Variants in DYM observed in about 807,000 individuals in gnomAD.
DYM encodes dymeclin.
Under a neutral mutation model 93.1 loss-of-function variants are expected in DYM, and 78 were observed. That is an observed-to-expected ratio of 0.84 (90% CI 0.70 to 1.01). The LOEUF is 1.01. Among genes scored for constraint, DYM ranks in the 50% least tolerant of loss-of-function variants. The pLI, the probability that DYM is intolerant of heterozygous loss-of-function variation, is 0.00. For missense variants in DYM, 789 were observed against 845.0 expected (o/e 0.93, Z 0.82); for synonymous variants, 321 against 319.7 (o/e 1.00, Z -0.04).
intron 5 of DYM, among the ~76,000 whole-genome samples, chr18:49,374,847 T>C (rs771822572): frequency 9.2e-5 from 14 of 151,798 alleles, no homozygotes; most frequent in Non-Finnish European, 1.3e-4. Context: ...TAATCCCAGA[T>C]ACTTGGGAGG....
rs183125452 is a variant in DYM at position 49,171,350 on chromosome 18, T to G, written c.1626-7563A>C. On this transcript the variant is annotated intron_variant, in intron 14 of 17. Transcript: ENST00000675505. The stretch of plus-strand genomic sequence containing the variant: ...CAATCCTCACAACTCTCAGCCAACT[T>G]CTCTCTCCATGCCTCAGTCCTTCCT... Among the ~76,000 whole-genome samples, 18 of 152,092 alleles carry G rather than the reference T, an allele frequency of 1.2e-4. 1 individual carries two copies. The East Asian group carries it at 3.5e-3, about 29-fold the overall frequency.
intron 2 of DYM, among the ~76,000 whole-genome samples, chr18:49,428,895 AT>A (rs944404427): frequency 6.6e-6 from 1 of 152,160 alleles, no homozygotes; most frequent in Non-Finnish European, 1.5e-5. Flanking sequence ...AAAGTGTATT[AT>A]TTTTCTATTG....
At chr18:49,166,953 G>A (rs1600281847) in intron 14 of DYM, among the ~76,000 whole-genome samples, 1 of 151,480 alleles carries the variant, frequency 6.6e-6, no homozygotes, top group South Asian at 2.1e-4. Flanking sequence ...GGTGCTTCCT[G>A]AGTTTAGCAA....
intron 17 of DYM, among the ~76,000 whole-genome samples, chr18:49,064,902 C>T (rs1351219598): frequency 6.6e-6 from 1 of 150,630 alleles, no homozygotes; most frequent in Non-Finnish European, 1.5e-5. Context: ...TTTATAGTCA[C>T]TTCATGACTA....
chr18:49,359,058 C>G (rs1018179353), intron 6 of DYM, among the ~76,000 whole-genome samples: 1 of 152,048 alleles, frequency 6.6e-6, no homozygotes, highest in African/African-American at 2.4e-5. Flanking sequence ...TACAAGAACC[C>G]AGACAGTGTC....
In DYM at chr18:49,286,583, A is replaced by G; in HGVS notation, c.797T>C (p.Val266Ala). 6.2e-7 allele frequency: 1 copy of G among 1,614,058 alleles called. No homozygotes were observed. The highest frequency in any genetic ancestry group is 8.5e-7 in the Non-Finnish European group (1 of 1,179,980). ...TGGAGAGGCAGCCGCTTTGCTGCCCACACCACCTAGTGTGAAGACAGTCCA... is the reference window on the plus strand; with the variant it reads ...TGGAGAGGCAGCCGCTTTGCTGCCCGCACCACCTAGTGTGAAGACAGTCCA... ...GLWTVFTLGG[V>A]GSKAAASPEL... The change falls in exon 9 of 18, where the codon GTG (valine) becomes GCG (alanine). Residue 266 changes from valine to alanine, a missense_variant. Coordinates refer to ENST00000675505, the MANE Select transcript of DYM (RefSeq NM_001353214.3).
intron 8 of DYM, among the ~76,000 whole-genome samples, chr18:49,319,150 C>T (rs1242206687): frequency 3.3e-5 from 5 of 152,138 alleles, no homozygotes; most frequent in Admixed American, 6.6e-5. Context: ...TGTTGCAAAG[C>T]TTTACACTTT....
chr18:49,440,158 T>C (rs1028898734), intron 1 of DYM, among the ~76,000 whole-genome samples: 1 of 144,680 alleles, frequency 6.9e-6, no homozygotes, highest in Non-Finnish European at 1.5e-5. Context: ...TTGATGTGCC[T>C]TAAATGGAAA....
chr18:49,450,739 A>G (rs2082457902), intron 1 of DYM, among the ~76,000 whole-genome samples: 1 of 152,194 alleles, frequency 6.6e-6, no homozygotes, highest in South Asian at 2.1e-4. Flanking sequence ...ATTGTATGGG[A>G]TTTCTAAAAT....
intron 15 of DYM, among the ~76,000 whole-genome samples, chr18:49,132,845 A>G (rs2083489720): frequency 6.6e-6 from 1 of 152,138 alleles, no homozygotes; most frequent in Non-Finnish European, 1.5e-5. Flanking sequence ...ATCTTAATAG[A>G]TTTTGAAAAG....
intron 8 of DYM, among the ~76,000 whole-genome samples, chr18:49,322,979 G>A (rs1010942159): frequency 1.3e-5 from 2 of 152,126 alleles, no homozygotes; most frequent in Non-Finnish European, 2.9e-5. Context: ...TTCAATTCCA[G>A]GTCTACCTAA....
intron 13 of DYM, among the ~76,000 whole-genome samples, chr18:49,235,997 C>A (rs1164435195): frequency 6.6e-6 from 1 of 152,036 alleles, no homozygotes; most frequent in Non-Finnish European, 1.5e-5. Context: ...ACAAGGAGTA[C>A]AAAATTTGTA....
chr18:49,344,633 A>T lies in DYM; in HGVS notation c.495-10780T>A, dbSNP rs570594627. ...TAAATCATTTTTATGTAAGTTAGTAATAGGACTTCATTAGTAACATTCTAA... is the reference window on the plus strand; with the variant it reads ...TAAATCATTTTTATGTAAGTTAGTATTAGGACTTCATTAGTAACATTCTAA... On this transcript the variant is annotated intron_variant, in intron 6 of 17. Coordinates refer to ENST00000675505, the MANE Select transcript of DYM (RefSeq NM_001353214.3). 3.3e-5 allele frequency among the ~76,000 whole-genome samples: 5 copies of T among 152,298 alleles called. No homozygotes were observed. In the East Asian group the frequency reaches 9.7e-4, roughly 29 times the overall value.
intron 6 of DYM, among the ~76,000 whole-genome samples, chr18:49,336,315 T>C (rs1475372575): frequency 6.6e-6 from 1 of 152,170 alleles, no homozygotes; most frequent in Non-Finnish European, 1.5e-5. Flanking sequence ...AAAAAAGTGT[T>C]CTTCTCCTTC....
chr18:49,364,243 G>A (rs970761237), intron 5 of DYM, among the ~76,000 whole-genome samples: 2 of 152,044 alleles, frequency 1.3e-5, no homozygotes, highest in African/African-American at 2.4e-5. Flanking sequence ...TCAGGAGTTC[G>A]AGACCAGCCT....
chr18:49,138,951 G>A (rs2084148498), intron 15 of DYM, among the ~76,000 whole-genome samples: 1 of 152,112 alleles, frequency 6.6e-6, no homozygotes, highest in African/African-American at 2.4e-5. Context: ...GCCTAATTGT[G>A]GAATGCATAA....
At chr18:49,086,394 C>T (rs1365142215) in intron 17 of DYM, among the ~76,000 whole-genome samples, 1 of 152,174 alleles carries the variant, frequency 6.6e-6, no homozygotes, top group Admixed American at 6.5e-5. Flanking sequence ...AATCCATTAG[C>T]CGTTACTCCA....
At chr18:49,394,962 C>A (rs4939870) in intron 2 of DYM, among the ~76,000 whole-genome samples, 90,744 of 151,934 alleles carry the variant, frequency 0.6, 27,441 homozygotes, top group Non-Finnish European at 0.66. Flanking sequence ...TGAAACTAGA[C>A]CCCTATCTCT....
chr18:49,392,015 TA>T (rs1415602752), intron 2 of DYM, among the ~76,000 whole-genome samples: 2 of 152,182 alleles, frequency 1.3e-5, no homozygotes, highest in South Asian at 4.1e-4. Context: ...AATATGCTAT[TA>T]TTTTTAGGAA....
Sources: allele counts gnomAD v4.1 joint callset (sites outside exome capture counted in the v4.1 genomes callset), GRCh38; gene constraint gnomAD v4.1.1; transcripts MANE v1.5; gene names NCBI Gene and HGNC (gene_info 2026-07-23, HGNC 2026-07-21).